Variants in PCDH17 observed in about 807,000 individuals in gnomAD.
PCDH17 encodes protocadherin 17, also known as protocadherin-17.
A neutral mutation model predicts 67.7 loss-of-function variants in PCDH17; 21 were observed. That is an observed-to-expected ratio of 0.31 (90% CI 0.22 to 0.45). The LOEUF (loss-of-function observed/expected upper bound fraction) is 0.45. PCDH17 is among the 20% of genes least tolerant of loss of function. The probability of loss-of-function intolerance (pLI) is 1.00; values close to 1 mark genes in which losing one functional copy is unlikely to be tolerated. For synonymous variants in PCDH17, 701 were observed against 656.7 expected (o/e 1.07, Z -1.03); for missense variants, 1,471 against 1,564.8 (o/e 0.94, Z 1.01).
At chr13:57,711,725 TA>T (rs1955778433) in intron 3 of PCDH17, among the ~76,000 whole-genome samples, 1 of 151,626 alleles carries the variant, frequency 6.6e-6, no homozygotes, top group East Asian at 1.9e-4. Flanking sequence ...TTGATTATTA[TA>T]AAATTACTAT....
intron 3 of PCDH17, among the ~76,000 whole-genome samples, chr13:57,673,426 C>A (rs139854081): frequency 6.6e-6 from 1 of 152,098 alleles, no homozygotes; most frequent in Non-Finnish European, 1.5e-5. Flanking sequence ...ACCACTCAAT[C>A]AGTGCTGAAA....
rs760357274 is a variant in PCDH17 at position 57,632,272 on chromosome 13, C to T, written c.-275C>T. On this transcript the variant is annotated 5_prime_UTR_variant, in exon 1 of 4. Coordinates refer to ENST00000377918, the MANE Select transcript of PCDH17 (RefSeq NM_001040429.3). ...ACGAAACCCCTGGCTCACCCCCAGC[C>T]GCAGGAAGCCACCGCCTTGCTCCAA... is the stretch of plus-strand genomic sequence containing the variant. 4.5e-4 allele frequency: 226 copies of T among 502,444 alleles called. 1 individual carries two copies. The highest frequency in any genetic ancestry group is 3.6e-3 in the Middle Eastern group (7 of 1,962). 31.1% of individuals were successfully genotyped at this position (502,444 alleles called of 1,614,324 possible). A position where few individuals can be genotyped will look rare whatever the true frequency, so the allele number is the denominator to read the frequency against.
rs140705650 is a variant in PCDH17 at position 57,668,167 on chromosome 13, G to T, written c.2797+1334G>T. 4.0e-3 allele frequency among the ~76,000 whole-genome samples: 614 copies of T among 151,804 alleles called. 3 individuals are homozygous for T. Among genetic ancestry groups the T allele is most frequent in the African/African-American group, 0.013 (557 of 41,446 alleles). ...CTGAAAATTTATATGTTTACTTGAC[G>T]TGACTTAAATGGTCATGATGGGTTG... On this transcript the variant is annotated intron_variant, in intron 3 of 3. Coordinates refer to ENST00000377918, the MANE Select transcript of PCDH17 (RefSeq NM_001040429.3).
Position 57,632,226 on chromosome 13 carries a change from C to T in PCDH17, c.-321C>T. 4.9e-6 allele frequency: 2 copies of T among 410,928 alleles called. No individual in the cohort carries two copies. Among genetic ancestry groups the T allele is most frequent in the Non-Finnish European group, 8.8e-6 (2 of 227,722 alleles). The allele number at this position is 410,928 out of a possible 1,614,324, so 25.5% of individuals were successfully genotyped here. On this transcript the variant is annotated 5_prime_UTR_variant, in exon 1 of 4. Coordinates refer to ENST00000377918, the MANE Select transcript of PCDH17 (RefSeq NM_001040429.3). ...TGCCTCATCGCTCAAGTTTGAGCCT[C>T]CCGAAGTCCGGGCGGGAGAGACGAA... is the stretch of plus-strand genomic sequence containing the variant.
At chr13:57,706,471 G>C (rs1251252628) in intron 3 of PCDH17, among the ~76,000 whole-genome samples, 1 of 152,070 alleles carries the variant, frequency 6.6e-6, no homozygotes, top group African/African-American at 2.4e-5. Context: ...GCCTGGATTA[G>C]TTTCCTAGGG....
At chr13:57,661,639 A>G (rs1218591360) in intron 1 of PCDH17, among the ~76,000 whole-genome samples, 2 of 152,048 alleles carry the variant, frequency 1.3e-5, no homozygotes, top group African/African-American at 4.8e-5. Context: ...AGAGAGAGAA[A>G]AAGAGAATGT....
chr13:57,644,196 A>G (rs996387932), intron 1 of PCDH17, among the ~76,000 whole-genome samples: 60 of 151,714 alleles, frequency 4.0e-4, no homozygotes, highest in Non-Finnish European at 1.8e-4. Context: ...TTATCCCTAT[A>G]TGGTCATAAG....
At chr13:57,684,652 A>G (rs1198572152) in intron 3 of PCDH17, among the ~76,000 whole-genome samples, 1 of 151,982 alleles carries the variant, frequency 6.6e-6, no homozygotes, top group African/African-American at 2.4e-5. Context: ...AAAATGTTGA[A>G]TGTTGAAAAG....
intron 1 of PCDH17, among the ~76,000 whole-genome samples, chr13:57,645,529 G>T (rs1954954329): frequency 6.6e-6 from 1 of 151,318 alleles, no homozygotes; most frequent in South Asian, 2.1e-4. Context: ...GGCATATTTT[G>T]ATATTTTTAA....
chr13:57,692,550 G>A (rs189655536), intron 3 of PCDH17, among the ~76,000 whole-genome samples: 5 of 151,252 alleles, frequency 3.3e-5, no homozygotes, highest in African/African-American at 9.6e-5. Flanking sequence ...GAGCATCTGG[G>A]AATGTTAAAA....
At chr13:57,665,774 G>A (rs1053805447) in intron 1 of PCDH17, among the ~76,000 whole-genome samples, 2 of 152,042 alleles carry the variant, frequency 1.3e-5, no homozygotes, top group Non-Finnish European at 2.9e-5. Context: ...AACAAGCCTG[G>A]TTTCTCAATG....
At chr13:57,716,014 G>A (rs937099303) in intron 3 of PCDH17, among the ~76,000 whole-genome samples, 1 of 151,936 alleles carries the variant, frequency 6.6e-6, no homozygotes, top group African/African-American at 2.4e-5. Flanking sequence ...AGGATGATAT[G>A]AAAGATGAAA....
chr13:57,725,053 C>T lies in PCDH17; in HGVS notation c.3239C>T (p.Ser1080Leu), dbSNP rs112564593. The change falls in exon 4 of 4, where the codon TCA becomes TTA. Residue 1080 changes from serine (S) to leucine (L), a missense_variant. Physicochemically the swap from Ser to Leu is moderately radical, Grantham distance 145. Coordinates refer to ENST00000377918, the MANE Select transcript of PCDH17 (RefSeq NM_001040429.3). ...QYLPTDSQYL[S>L]PSKQPRDPPF... ...TTGCCCACTGACAGTCAATATCTGT[C>T]ACCTAGTAAGCAACCAAGAGACCCT... 6.2e-7 allele frequency: 1 copy of T among 1,614,138 alleles called. No homozygotes were observed. Among genetic ancestry groups the T allele is most frequent in the East Asian group, 2.2e-5 (1 of 44,862 alleles).
At chr13:57,697,752 C>A (rs1955624763) in intron 3 of PCDH17, among the ~76,000 whole-genome samples, 1 of 150,384 alleles carries the variant, frequency 6.6e-6, no homozygotes. Context: ...ATATATTCAT[C>A]CTAGAGCTCA....
intron 1 of PCDH17, among the ~76,000 whole-genome samples, chr13:57,665,193 A>G (rs765196052): frequency 8.2e-5 from 8 of 97,352 alleles, no homozygotes; most frequent in Non-Finnish European, 1.7e-4. Flanking sequence ...TCTGTCCCCA[A>G]ACTTGACAAT....
At chr13:57,694,013 C>T (rs1187190283) in intron 3 of PCDH17, among the ~76,000 whole-genome samples, 1 of 149,008 alleles carries the variant, frequency 6.7e-6, no homozygotes, top group Non-Finnish European at 1.5e-5. Context: ...GAACAGCATA[C>T]AAGGCAAGTC....
At chr13:57,681,853 T>G (rs1955453275) in intron 3 of PCDH17, among the ~76,000 whole-genome samples, 1 of 151,774 alleles carries the variant, frequency 6.6e-6, no homozygotes, top group African/African-American at 2.4e-5. Flanking sequence ...TTGTATTTAT[T>G]AAGTGCTAGC....
intron 3 of PCDH17, among the ~76,000 whole-genome samples, chr13:57,676,911 T>C (rs1217324663): frequency 1.3e-5 from 2 of 151,950 alleles, no homozygotes; most frequent in Admixed American, 6.6e-5. Flanking sequence ...GTCCCAAATA[T>C]GTGACCATGC....
At chr13:57,692,345 T>C (rs1322008026) in intron 3 of PCDH17, among the ~76,000 whole-genome samples, 1 of 151,306 alleles carries the variant, frequency 6.6e-6, no homozygotes, top group Non-Finnish European at 1.5e-5. Context: ...CAGTTAATTA[T>C]ATCTGTATTA....
Sources: allele counts gnomAD v4.1 joint callset (sites outside exome capture counted in the v4.1 genomes callset), GRCh38; gene constraint gnomAD v4.1.1; transcripts MANE v1.5; gene names NCBI Gene and HGNC (gene_info 2026-07-23, HGNC 2026-07-21).